NRG1: variants seen among roughly 807,000 people sequenced by gnomAD.
NRG1 encodes the protein pro-neuregulin-1, membrane-bound isoform.
In NRG1, 18 loss-of-function variants were observed where a neutral mutation model predicts 63.8. The observed-to-expected ratio is 0.28, with a 90% CI of 0.19 to 0.42. The LOEUF (loss-of-function observed/expected upper bound fraction) is 0.42. Ranked by LOEUF, NRG1 falls within the 10% of genes least tolerant of loss-of-function variation. The pLI, the probability that NRG1 is intolerant of heterozygous loss-of-function variation, is 1.00. For missense variants in NRG1, 762 were observed against 814.7 expected, an observed-to-expected ratio of 0.94 and a Z score of 0.79; for synonymous variants, 302 against 301.3, an observed-to-expected ratio of 1.00 and a Z score of -0.02.
rs117444330 is a variant in NRG1 at position 31,757,631 on chromosome 8, C to T, written c.37+118200C>T. Among the ~76,000 whole-genome samples, 583 of 152,144 alleles carry T rather than the reference C, an allele frequency of 3.8e-3. 1 individual carries two copies. Among genetic ancestry groups the T allele is most frequent in the Middle Eastern group, 0.02 (6 of 294 alleles). On this transcript the variant is annotated intron_variant, in intron 1 of 10. Transcript: ENST00000519301. ...GATAAGACTTGAAGAAATCTTATTT[C>T]AACTTATACTTTCCTCAGTTTATGT...
intron 5 of NRG1, among the ~76,000 whole-genome samples, chr8:32,662,140 TG>T (rs1416208873): frequency 6.6e-6 from 1 of 152,230 alleles, no homozygotes; most frequent in Non-Finnish European, 1.5e-5. Flanking sequence ...ACATCTCTTA[TG>T]TATCAATAAG....
intron 1 of NRG1, among the ~76,000 whole-genome samples, chr8:32,374,612 C>T (rs983830140): frequency 6.6e-6 from 1 of 152,198 alleles, no homozygotes; most frequent in African/African-American, 2.4e-5. Context: ...TGATTCCCCT[C>T]TTCTGCCTCC....
chr8:32,410,324 G>A (rs1468553088), intron 1 of NRG1, among the ~76,000 whole-genome samples: 1 of 151,620 alleles, frequency 6.6e-6, no homozygotes, highest in Non-Finnish European at 1.5e-5. Flanking sequence ...GGGACTACAG[G>A]TACATGCCAC....
At chr8:31,653,579 T>C (rs937673535) in intron 1 of NRG1, among the ~76,000 whole-genome samples, 2 of 152,200 alleles carry the variant, frequency 1.3e-5, no homozygotes, top group African/African-American at 4.8e-5. Flanking sequence ...CCCTGAAATG[T>C]AGACAAATTT....
At chr8:32,741,957 G>C in intron 6 of NRG1, 51 bp from the exon 7 acceptor site, 1 of 1,432,950 alleles carries the variant, frequency 7.0e-7, no homozygotes, top group Non-Finnish European at 9.8e-7. Flanking sequence ...CAGTCTGAAA[G>C]CTCAGTGTCT....
intron 5 of NRG1, among the ~76,000 whole-genome samples, chr8:32,618,685 T>G (rs1847806179): frequency 6.6e-6 from 1 of 152,152 alleles, no homozygotes; most frequent in Non-Finnish European, 1.5e-5. Context: ...CATGAACACA[T>G]TTTTTTGTGG....
At chr8:31,950,297 T>C (rs1036033836) in intron 1 of NRG1, among the ~76,000 whole-genome samples, 2 of 152,260 alleles carry the variant, frequency 1.3e-5, no homozygotes, top group African/African-American at 2.4e-5. Context: ...GAAGCTATCT[T>C]TTAAAAATTT....
chr8:32,354,089 C>T (rs1294355511), intron 1 of NRG1, among the ~76,000 whole-genome samples: 1 of 152,160 alleles, frequency 6.6e-6, no homozygotes, highest in Admixed American at 6.5e-5. Flanking sequence ...TACATACTGG[C>T]TAGGTGTAGT....
At chr8:32,184,236 A>G (rs1841740124) in intron 1 of NRG1, among the ~76,000 whole-genome samples, 1 of 152,158 alleles carries the variant, frequency 6.6e-6, no homozygotes, top group Non-Finnish European at 1.5e-5. Context: ...GTATAAGAAG[A>G]TAGAAATAGC....
intron 1 of NRG1, among the ~76,000 whole-genome samples, chr8:32,492,188 G>GCCTA (rs977883840): frequency 6.6e-6 from 1 of 152,004 alleles, no homozygotes; most frequent in Admixed American, 6.6e-5. Flanking sequence ...ATTCATCAGG[G>GCCTA]CCTAGCACAA....
At chr8:31,639,247 T>TA in exon 1 of NRG1, 3 of 964,822 alleles carry the variant, frequency 3.1e-6, no homozygotes, top group Non-Finnish European at 4.7e-6. Context: ...CACTCCCCAG[T>TA]AAGCCTCCGC....
At chr8:32,309,738 C>T (rs4133926) in intron 1 of NRG1, among the ~76,000 whole-genome samples, 3 of 152,220 alleles carry the variant, frequency 2.0e-5, no homozygotes, top group African/African-American at 4.8e-5. Context: ...ACTACACTTG[C>T]TAAGTTCAGA....
intron 1 of NRG1, among the ~76,000 whole-genome samples, chr8:32,226,072 G>T (rs1846287627): frequency 6.6e-6 from 1 of 152,170 alleles, no homozygotes; most frequent in African/African-American, 2.4e-5. Flanking sequence ...GAGGACTGAA[G>T]ATATGGCTCT....
chr8:32,461,177 C>A (rs1035994987), intron 1 of NRG1, among the ~76,000 whole-genome samples: 3 of 151,748 alleles, frequency 2.0e-5, no homozygotes, highest in Non-Finnish European at 4.4e-5. Flanking sequence ...GTACTAAAAA[C>A]CTTTTCTTAA....
chr8:32,419,839 C>T (rs1413529853), intron 1 of NRG1, among the ~76,000 whole-genome samples: 2 of 152,120 alleles, frequency 1.3e-5, no homozygotes, highest in Admixed American at 6.6e-5. Flanking sequence ...TACATTTATG[C>T]AAAGTGAAAC....
intron 1 of NRG1, among the ~76,000 whole-genome samples, chr8:31,822,605 G>T (rs1218433364): frequency 6.6e-6 from 1 of 152,160 alleles, no homozygotes; most frequent in Non-Finnish European, 1.5e-5. Flanking sequence ...TTTGTTTTAG[G>T]TAATAGGTTG....
At chr8:32,222,035 AC>A (rs1356646394) in intron 1 of NRG1, among the ~76,000 whole-genome samples, 7 of 53,494 alleles carry the variant, frequency 1.3e-4, no homozygotes, top group Admixed American at 5.9e-4. Context: ...AAACATACAT[AC>A]ACACACACAC....
chr8:31,765,129 C>T (rs1240759055), intron 1 of NRG1, among the ~76,000 whole-genome samples: 1 of 151,956 alleles, frequency 6.6e-6, no homozygotes. Flanking sequence ...TTGGTGTTCA[C>T]ATATATATTG....
intron 8 of NRG1, among the ~76,000 whole-genome samples, chr8:32,755,532 C>A (rs1829517400): frequency 6.6e-6 from 1 of 152,110 alleles, no homozygotes; most frequent in Non-Finnish European, 1.5e-5. Context: ...GATTCCATCT[C>A]AATATTCGCT....
Sources: allele counts gnomAD v4.1 joint callset (sites outside exome capture counted in the v4.1 genomes callset), GRCh38; gene constraint gnomAD v4.1.1; transcripts MANE v1.5; gene names NCBI Gene and HGNC (gene_info 2026-07-23, HGNC 2026-07-21).